The following ZBTB7C variants were observed in gnomAD, a reference collection of about 807,000 sequenced individuals.
ZBTB7C encodes the protein zinc finger and BTB domain containing 7C, also known as zinc finger and BTB domain-containing protein 7C.
Under a neutral mutation model 25.7 loss-of-function variants are expected in ZBTB7C, and 8 were observed. The ratio of observed to expected loss-of-function variants is 0.31; its 90% CI spans 0.18 to 0.56. The LOEUF is 0.56. ZBTB7C is among the 20% of genes least tolerant of loss of function. The probability of loss-of-function intolerance (pLI) is 0.91; values close to 1 mark genes in which losing one functional copy is unlikely to be tolerated. For synonymous variants in ZBTB7C, 394 were observed against 369.0 expected (o/e 1.07, Z -0.78); for missense variants, 824 against 855.2 (o/e 0.96, Z 0.46).
intron 2 of ZBTB7C, among the ~76,000 whole-genome samples, chr18:48,323,137 A>G (rs1443391728): frequency 1.3e-5 from 2 of 152,208 alleles, no homozygotes; most frequent in South Asian, 2.1e-4. Context: ...ATCACCACTA[A>G]GGAACATACT....
chr18:48,242,115 C>A (rs1004572531), intron 2 of ZBTB7C, among the ~76,000 whole-genome samples: 3 of 152,096 alleles, frequency 2.0e-5, no homozygotes, highest in African/African-American at 7.2e-5. Context: ...GGATAAAATC[C>A]TGGAAGTATA....
At chr18:48,059,678 A>G (rs2144313141) in intron 3 of ZBTB7C, among the ~76,000 whole-genome samples, 1 of 152,322 alleles carries the variant, frequency 6.6e-6, no homozygotes, top group South Asian at 2.1e-4. Context: ...TCAAAGCCAG[A>G]GCGACAGCCT....
At chr18:48,370,349 A>C (rs1324736169) in intron 1 of ZBTB7C, among the ~76,000 whole-genome samples, 1 of 152,240 alleles carries the variant, frequency 6.6e-6, no homozygotes, top group African/African-American at 2.4e-5. Context: ...ATATGATTCC[A>C]TTTATATAAT....
chr18:48,131,891 T>A (rs779400499), intron 3 of ZBTB7C, among the ~76,000 whole-genome samples: 1 of 152,032 alleles, frequency 6.6e-6, no homozygotes, highest in Admixed American at 6.6e-5. Flanking sequence ...TATCAACAAG[T>A]GTTGGTGGGG....
At chr18:48,041,621 T>A in intron 3 of ZBTB7C, 1 of 907,446 alleles carries the variant, frequency 1.1e-6, no homozygotes, top group Non-Finnish European at 1.3e-6. Flanking sequence ...CTAGGAAGCT[T>A]AAAACAAATT....
intron 3 of ZBTB7C, among the ~76,000 whole-genome samples, chr18:48,155,034 G>T (rs1405986547): frequency 6.6e-6 from 1 of 152,182 alleles, no homozygotes; most frequent in Non-Finnish European, 1.5e-5. Flanking sequence ...ATTCTCATTA[G>T]CAGTCCCTTA....
At chr18:48,078,415 A>C (rs946319351) in intron 3 of ZBTB7C, among the ~76,000 whole-genome samples, 3 of 152,180 alleles carry the variant, frequency 2.0e-5, no homozygotes, top group Admixed American at 6.5e-5. Context: ...TCTGGGGGGC[A>C]TACCTTCAGG....
At chr18:48,329,766 A>G (rs75647684) in intron 2 of ZBTB7C, among the ~76,000 whole-genome samples, 4,815 of 152,300 alleles carry the variant, frequency 0.032, 99 homozygotes, top group South Asian at 0.085. Context: ...CATTTAATAG[A>G]TAAGGAAGCT....
intron 3 of ZBTB7C, among the ~76,000 whole-genome samples, chr18:48,127,774 T>C (rs1312921898): frequency 6.6e-6 from 1 of 152,166 alleles, no homozygotes. Flanking sequence ...TTCCAAGAGT[T>C]GGAGCCAGGT....
intron 2 of ZBTB7C, among the ~76,000 whole-genome samples, chr18:48,199,992 T>TTGTGTGTGTG (rs57540482): frequency 6.7e-6 from 1 of 149,206 alleles, no homozygotes; most frequent in African/African-American, 2.5e-5. Context: ...GGAAATGTAT[T>TTGTGTGTGTG]TGTGTGTGTG....
At chr18:48,236,877 T>G (rs2043393814) in intron 2 of ZBTB7C, among the ~76,000 whole-genome samples, 2 of 152,186 alleles carry the variant, frequency 1.3e-5, no homozygotes, top group African/African-American at 2.4e-5. Flanking sequence ...AGAGGAAATT[T>G]AATATGGGAA....
At chr18:48,367,116 G>C (rs1430013274) in intron 1 of ZBTB7C, among the ~76,000 whole-genome samples, 1 of 143,080 alleles carries the variant, frequency 7.0e-6, no homozygotes, top group Non-Finnish European at 1.5e-5. Flanking sequence ...AAGTAGAGAG[G>C]GCTTCCCCTT....
chr18:48,042,605 C>T (rs1265371262), intron 3 of ZBTB7C, among the ~76,000 whole-genome samples: 2 of 152,204 alleles, frequency 1.3e-5, no homozygotes, highest in African/African-American at 2.4e-5. Flanking sequence ...GGGAAGGCAG[C>T]AGGCATGGAG....
chr18:48,309,596 G>A lies in ZBTB7C; in HGVS notation c.-79+28578C>T, dbSNP rs1299327563. Among the ~76,000 whole-genome samples, 4 of 152,098 alleles carry A rather than the reference G, an allele frequency of 2.6e-5. No individual in the cohort carries two copies. In the East Asian group the frequency reaches 5.8e-4, roughly 22 times the overall value. The stretch of plus-strand genomic sequence containing the variant: ...ATACGATATGTTTTTAAAAGGAAAC[G>A]GTACCAAATTGTCATGTTATGCATG... On this transcript the variant is annotated intron_variant, in intron 2 of 4. Coordinates refer to ENST00000590800, the MANE Select transcript of ZBTB7C (RefSeq NM_001318841.2).
chr18:48,320,157 G>C (rs1396200757), intron 2 of ZBTB7C, among the ~76,000 whole-genome samples: 2 of 151,970 alleles, frequency 1.3e-5, no homozygotes, highest in Non-Finnish European at 2.9e-5. Context: ...GAAGGAGAAG[G>C]AGGGATCATG....
chr18:48,133,699 C>T (rs1422739154), intron 3 of ZBTB7C, among the ~76,000 whole-genome samples: 3 of 151,846 alleles, frequency 2.0e-5, no homozygotes, highest in Non-Finnish European at 4.4e-5. Context: ...ATAAATCCTC[C>T]GTGGAAGTTA....
chr18:48,269,672 A>G (rs2044415569), intron 2 of ZBTB7C, among the ~76,000 whole-genome samples: 1 of 152,212 alleles, frequency 6.6e-6, no homozygotes, highest in Admixed American at 6.5e-5. Flanking sequence ...CTCAAATTAC[A>G]AGAATACCTG....
chr18:48,394,759 C>T (rs1199249341), intron 1 of ZBTB7C, among the ~76,000 whole-genome samples: 1 of 152,154 alleles, frequency 6.6e-6, no homozygotes, highest in African/African-American at 2.4e-5. Flanking sequence ...CATCAGAGTA[C>T]AGTGACTAGA....
chr18:48,360,161 C>T (rs1189697008), intron 1 of ZBTB7C, among the ~76,000 whole-genome samples: 2 of 152,206 alleles, frequency 1.3e-5, no homozygotes, highest in Admixed American at 6.5e-5. Context: ...CATTTGCAAG[C>T]ACTGGAATAC....
Sources: allele counts gnomAD v4.1 joint callset (sites outside exome capture counted in the v4.1 genomes callset), GRCh38; gene constraint gnomAD v4.1.1; transcripts MANE v1.5; gene names NCBI Gene and HGNC (gene_info 2026-07-23, HGNC 2026-07-21).